Variants in RARB observed in about 807,000 individuals in gnomAD.
The protein encoded by RARB is HBV-activated protein.
In RARB, 17 loss-of-function variants were observed where a neutral mutation model predicts 51.9. The observed-to-expected ratio is 0.33, with a 90% CI of 0.22 to 0.49. The LOEUF is 0.49. Among genes scored for constraint, RARB ranks in the 20% least tolerant of loss-of-function variants. The pLI, the probability that RARB is intolerant of heterozygous loss-of-function variation, is 0.99. For synonymous variants in RARB, 215 were observed against 195.4 expected (o/e 1.10, Z -0.84); for missense variants, 369 against 550.8 (o/e 0.67, Z 3.30).
chr3:25,169,120 C>T (rs1283383867), intron 4 of RARB, among the ~76,000 whole-genome samples: 1 of 152,094 alleles, frequency 6.6e-6, no homozygotes, highest in Admixed American at 6.5e-5. Context: ...ATGTGAAGTG[C>T]AACACAAAAA....
chr3:25,593,269 A>G (rs959379917), intron 5 of RARB, among the ~76,000 whole-genome samples: 2 of 152,040 alleles, frequency 1.3e-5, no homozygotes, highest in African/African-American at 4.8e-5. Context: ...TTAAAAAGAT[A>G]TTTCTCAAAA....
chr3:25,523,519 A>G (rs1241147957), intron 3 of RARB, among the ~76,000 whole-genome samples: 1 of 152,214 alleles, frequency 6.6e-6, no homozygotes, highest in Non-Finnish European at 1.5e-5. Context: ...TGTGCTGGAA[A>G]TAGAACCTGG....
intron 5 of RARB, among the ~76,000 whole-genome samples, chr3:25,315,187 A>C (rs1453327521): frequency 6.6e-6 from 1 of 152,114 alleles, no homozygotes; most frequent in Non-Finnish European, 1.5e-5. Flanking sequence ...TGGCATCCCC[A>C]GTCTTCACAC....
chr3:25,207,413 T>A (rs1481280334), intron 5 of RARB, among the ~76,000 whole-genome samples: 3 of 152,216 alleles, frequency 2.0e-5, no homozygotes, highest in Non-Finnish European at 4.4e-5. Flanking sequence ...GGACATGTAG[T>A]CACATCTTAT....
intron 5 of RARB, among the ~76,000 whole-genome samples, chr3:25,399,831 C>T (rs902454088): frequency 6.6e-6 from 1 of 152,180 alleles, no homozygotes; most frequent in Non-Finnish European, 1.5e-5. Flanking sequence ...TAGCAAGTCT[C>T]CCATAAGCTA....
intron 2 of RARB, among the ~76,000 whole-genome samples, chr3:24,968,162 C>T (rs1696317861): frequency 6.6e-6 from 1 of 152,072 alleles, no homozygotes; most frequent in Non-Finnish European, 1.5e-5. Context: ...CAAAGATGGA[C>T]AGTAAAGTAG....
chr3:25,124,287 T>C (rs528243019), intron 3 of RARB, among the ~76,000 whole-genome samples: 22 of 152,202 alleles, frequency 1.4e-4, no homozygotes, highest in South Asian at 6.2e-4. Context: ...GACAGGAGGA[T>C]CACTTGAACC....
chr3:25,070,057 G>A (rs2125307959), intron 3 of RARB, among the ~76,000 whole-genome samples: 1 of 152,322 alleles, frequency 6.6e-6, no homozygotes, highest in East Asian at 1.9e-4. Flanking sequence ...CAGTGGTGGA[G>A]AATCCTTCCT....
At chr3:25,228,437 T>C (rs10510559) in intron 5 of RARB, among the ~76,000 whole-genome samples, 15,482 of 152,076 alleles carry the variant, frequency 0.1, 985 homozygotes, top group South Asian at 0.26. Context: ...AGTAATTTTA[T>C]GGCTTTATCT....
chr3:25,344,147 G>A (rs1705317454), intron 5 of RARB, among the ~76,000 whole-genome samples: 1 of 152,112 alleles, frequency 6.6e-6, no homozygotes, highest in Non-Finnish European at 1.5e-5. Context: ...GGGTGATGGG[G>A]CATATTAAAC....
chr3:24,854,416 T>C (rs1290863975), intron 1 of RARB, among the ~76,000 whole-genome samples: 1 of 152,216 alleles, frequency 6.6e-6, no homozygotes, highest in Admixed American at 6.5e-5. Context: ...CACATTCTAT[T>C]GCTGGGGAAA....
chr3:25,461,170 C>T (rs1384750696), intron 1 of RARB, 23 bp from the exon 2 acceptor site: 4 of 1,525,652 alleles, frequency 2.6e-6, no homozygotes, highest in Admixed American at 2.2e-5. Flanking sequence ...CTTTTTTCTC[C>T]CTCTACCCCA....
intron 5 of RARB, among the ~76,000 whole-genome samples, chr3:25,340,891 G>C (rs975609479): frequency 3.9e-5 from 6 of 152,130 alleles, no homozygotes; most frequent in Admixed American, 1.3e-4. Context: ...TGCCTTTCCA[G>C]GTGAGGTTAT....
At chr3:25,537,577 A>C (rs1273075651) in intron 3 of RARB, among the ~76,000 whole-genome samples, 1 of 152,136 alleles carries the variant, frequency 6.6e-6, no homozygotes, top group African/African-American at 2.4e-5. Flanking sequence ...CTAACCCCAC[A>C]TTGCCGTATC....
exon 4 of RARB, among the ~76,000 whole-genome samples, chr3:25,132,196 T>C (rs1319259164): frequency 1.3e-5 from 2 of 151,914 alleles, no homozygotes; most frequent in African/African-American, 4.8e-5. Context: ...CAACTTCTGC[T>C]TGAATCCAAG....
At chr3:24,933,682 C>T (rs1216986725) in intron 2 of RARB, among the ~76,000 whole-genome samples, 1 of 152,064 alleles carries the variant, frequency 6.6e-6, no homozygotes, top group South Asian at 2.1e-4. Flanking sequence ...AGGCCAGCAA[C>T]CTTATTCTTC....
At chr3:25,547,899 C>CT in intron 3 of RARB, among the ~76,000 whole-genome samples, 1 of 151,956 alleles carries the variant, frequency 6.6e-6, no homozygotes, top group East Asian at 1.9e-4. Context: ...TCATTGTAGT[C>CT]TTTTTTCTCA....
intron 5 of RARB, among the ~76,000 whole-genome samples, chr3:25,406,974 T>A (rs1189614147): frequency 6.6e-6 from 1 of 152,240 alleles, no homozygotes; most frequent in Non-Finnish European, 1.5e-5. Context: ...CTGCCTTTAA[T>A]GTGGAATGAT....
intron 4 of RARB, among the ~76,000 whole-genome samples, chr3:25,168,035 T>G (rs1273283420): frequency 6.6e-6 from 1 of 152,180 alleles, no homozygotes; most frequent in Non-Finnish European, 1.5e-5. Context: ...GGTTCAGCCA[T>G]GGAAACAATT....
Sources: gnomAD v4.1 joint callset for allele counts (sites outside exome capture counted in the v4.1 genomes callset) on GRCh38, gnomAD v4.1.1 for gene constraint, MANE v1.5 for transcripts, NCBI Gene and HGNC (gene_info 2026-07-23, HGNC 2026-07-21) for gene names.